Variants in GRK5 observed in about 807,000 individuals in gnomAD.
GRK5 encodes the protein G protein-coupled receptor kinase 5.
Under a neutral mutation model 78.4 loss-of-function variants are expected in GRK5, and 40 were observed. That is an observed-to-expected ratio of 0.51 (90% CI 0.40 to 0.66). The LOEUF (loss-of-function observed/expected upper bound fraction) is 0.66, where lower values mean the gene tolerates loss of function less well. GRK5 is among the 30% of genes least tolerant of loss of function. The probability of loss-of-function intolerance (pLI) is 0.00; values close to 1 mark genes in which losing one functional copy is unlikely to be tolerated. For synonymous variants in GRK5, 289 were observed against 296.8 expected (o/e 0.97, Z 0.27); for missense variants, 598 against 759.9 (o/e 0.79, Z 2.50).
At chr10:119,404,976 T>C (rs773851383) in intron 4 of GRK5, among the ~76,000 whole-genome samples, 12 of 152,344 alleles carry the variant, frequency 7.9e-5, no homozygotes, top group Non-Finnish European at 1.3e-4. Context: ...TTTGGCAGTG[T>C]TACTTGTAGG....
At chr10:119,251,883 G>A (rs1186055467) in intron 1 of GRK5, among the ~76,000 whole-genome samples, 22 of 152,152 alleles carry the variant, frequency 1.4e-4, no homozygotes, top group Admixed American at 1.4e-3. Context: ...CACTCGCCTC[G>A]ATTTTGGTGG....
intron 2 of GRK5, among the ~76,000 whole-genome samples, chr10:119,374,998 A>G (rs1196745884): frequency 6.6e-6 from 1 of 152,226 alleles, no homozygotes; most frequent in Non-Finnish European, 1.5e-5. Context: ...AACCAGGCTC[A>G]GGTATTTATA....
intron 2 of GRK5, among the ~76,000 whole-genome samples, chr10:119,344,680 G>A (rs887542285): frequency 3.3e-5 from 5 of 152,144 alleles, no homozygotes; most frequent in African/African-American, 1.2e-4. Context: ...CTGTCTCTTT[G>A]CCTGTGCTGT....
intron 3 of GRK5, among the ~76,000 whole-genome samples, chr10:119,392,197 T>G (rs1008613866): frequency 6.6e-6 from 1 of 152,252 alleles, no homozygotes; most frequent in Non-Finnish European, 1.5e-5. Context: ...GTTTCCACTC[T>G]TTGGAAGGCA....
chr10:119,453,336 A>G (rs1853334018), intron 15 of GRK5, 60 bp downstream of exon 15: 10 of 1,599,734 alleles, frequency 6.3e-6, no homozygotes, highest in African/African-American at 5.4e-5. Context: ...GCTCACTTCC[A>G]TGGGAAACGA....
rs568357353 is a variant in GRK5, at chr10:119,232,284, T to C, written c.52+24315T>C. Among the ~76,000 whole-genome samples the C allele has an allele frequency of 7.2e-4, 109 of 152,184 alleles. 1 individual carries two copies. Among genetic ancestry groups the C allele is most frequent in the Admixed American group, 1.8e-3 (27 of 15,260 alleles). ...TACGTGGAAGCTAAAAAAAAGTTGA[T>C]TCATAGAAGTAAAAAGTAGAACAGA... On this transcript the variant is annotated intron_variant, in intron 1 of 15. Transcript: ENST00000392870.
intron 2 of GRK5, among the ~76,000 whole-genome samples, chr10:119,375,676 G>A (rs1410236475): frequency 6.6e-6 from 1 of 152,242 alleles, no homozygotes; most frequent in East Asian, 1.9e-4. Context: ...GGTTCTGTCT[G>A]AGCGCAAGGC....
chr10:119,319,412 C>A (rs1402803601), intron 1 of GRK5, among the ~76,000 whole-genome samples: 2 of 152,260 alleles, frequency 1.3e-5, no homozygotes, highest in African/African-American at 4.8e-5. Flanking sequence ...TCCTCTGGTG[C>A]CTTCCCCAGA....
chr10:119,216,468 C>T (rs1033655287), intron 1 of GRK5, among the ~76,000 whole-genome samples: 1 of 152,118 alleles, frequency 6.6e-6, no homozygotes, highest in Non-Finnish European at 1.5e-5. Context: ...CTGTTTCCGG[C>T]ATAGAGGTTA....
At chr10:119,453,009 G>A (rs972326754) in intron 14 of GRK5, 136 bp from the exon 15 acceptor site, 44 of 858,112 alleles carry the variant, frequency 5.1e-5, no homozygotes, top group Non-Finnish European at 7.3e-5. Flanking sequence ...GGGGAGCCTC[G>A]CCCAGCCCCT....
chr10:119,271,114 C>T lies in GRK5; in HGVS notation c.53-55402C>T, dbSNP rs952461869. ...CAGACCGGGCTTTCGTAAGTAAGCT[C>T]ACACTGTCAGATAGCACCAGGACCT... On this transcript the variant is annotated intron_variant, in intron 1 of 15. Coordinates refer to ENST00000392870, the MANE Select transcript of GRK5 (RefSeq NM_005308.3). The surrounding 1 kb of genome is among the most constrained non-coding windows in gnomAD (Gnocchi z 4.1). 1.3e-5 allele frequency among the ~76,000 whole-genome samples: 2 copies of T among 152,220 alleles called. No individual in the cohort carries two copies. The highest frequency in any genetic ancestry group is 4.8e-5 in the African/African-American group (2 of 41,452).
chr10:119,436,402 G>A (rs577220862), intron 8 of GRK5, among the ~76,000 whole-genome samples: 4 of 152,370 alleles, frequency 2.6e-5, no homozygotes, highest in South Asian at 4.1e-4. Flanking sequence ...CTGGGAGGTC[G>A]GGGTGCTAGC....
chr10:119,210,486 A>G (rs1848469728), intron 1 of GRK5, among the ~76,000 whole-genome samples: 2 of 152,198 alleles, frequency 1.3e-5, no homozygotes, highest in Non-Finnish European at 2.9e-5. Flanking sequence ...CTCAGTTCTC[A>G]TATATTTGAA....
In GRK5 at chr10:119,434,138, G is replaced by A. The variant is rs369737003; in HGVS notation, c.739-2513G>A. Among the ~76,000 whole-genome samples the A allele has an allele frequency of 3.6e-4, 55 of 152,184 alleles. 1 individual carries two copies. In the South Asian group the frequency reaches 1.0e-2, roughly 28 times the overall value. ...GCCCACAATTCAATTATCTCCCACC[G>A]GGTCCCTCCCACAACACATAGGAAT... On this transcript the variant is annotated intron_variant, in intron 8 of 15. Transcript: ENST00000392870.
At chr10:119,451,937 A>AC (rs1483444052) in intron 13 of GRK5, among the ~76,000 whole-genome samples, 1 of 151,952 alleles carries the variant, frequency 6.6e-6, no homozygotes, top group African/African-American at 2.4e-5. Context: ...ATCCCTTCAC[A>AC]CCCCACCTGG....
At chr10:119,285,037 C>T (rs1283806511) in intron 1 of GRK5, among the ~76,000 whole-genome samples, 1 of 152,202 alleles carries the variant, frequency 6.6e-6, no homozygotes, top group Non-Finnish European at 1.5e-5. Context: ...CGATGTGTTC[C>T]TCATGAAAGG....
At chr10:119,416,857 G>A (rs1852465769) in intron 4 of GRK5, among the ~76,000 whole-genome samples, 1 of 152,246 alleles carries the variant, frequency 6.6e-6, no homozygotes, top group South Asian at 2.1e-4. Flanking sequence ...GCCTGCCGAA[G>A]TGCTAGGATT....
chr10:119,320,051 G>C (rs1182478466), intron 1 of GRK5, among the ~76,000 whole-genome samples: 1 of 152,226 alleles, frequency 6.6e-6, no homozygotes, highest in African/African-American at 2.4e-5. Flanking sequence ...TGCCTTTTCA[G>C]GGCAGCATGA....
intron 2 of GRK5, among the ~76,000 whole-genome samples, chr10:119,368,202 A>G (rs1851482784): frequency 6.6e-6 from 1 of 152,250 alleles, no homozygotes; most frequent in Non-Finnish European, 1.5e-5. Context: ...TCAACCTGAA[A>G]TGCACTTGGG....
Sources: allele counts gnomAD v4.1 joint callset (sites outside exome capture counted in the v4.1 genomes callset), GRCh38; gene constraint gnomAD v4.1.1; non-coding constraint Gnocchi (gnomAD v3.1); transcripts MANE v1.5; gene names NCBI Gene and HGNC (gene_info 2026-07-23, HGNC 2026-07-21).